TTL: variants seen among roughly 807,000 people sequenced by gnomAD.
TTL encodes tubulin tyrosine ligase, also known as tubulin--tyrosine ligase.
Under a neutral mutation model 41.1 loss-of-function variants are expected in TTL, and 10 were observed. That is an observed-to-expected ratio of 0.24 (90% CI 0.15 to 0.41). TTL has a LOEUF of 0.41. TTL is among the 10% of genes least tolerant of loss of function. The pLI, the probability that TTL is intolerant of heterozygous loss-of-function variation, is 1.00. For missense variants in TTL, 367 were observed against 460.4 expected (o/e 0.80, Z 1.86); for synonymous variants, 175 against 175.5 (o/e 1.00, Z 0.02).
intron 5 of TTL, among the ~76,000 whole-genome samples, chr2:112,516,078 G>A (rs986367196): frequency 6.6e-6 from 1 of 152,040 alleles, no homozygotes; most frequent in Non-Finnish European, 1.5e-5. Context: ...TATGTAAATG[G>A]AATTATACCA....
rs369142229 is a variant in TTL at position 112,541,373 on chromosome 2, C to T, written c.*12578C>T. ...CTACAACTACTCAGTTGGCCGGGCG[C>T]GCGCGGTGGCTCATGCCTGTAATCC... On this transcript the variant is annotated 3_prime_UTR_variant, in exon 7 of 7. Coordinates refer to ENST00000233336, the MANE Select transcript of TTL (RefSeq NM_153712.5). 3 of 152,200 alleles carry T rather than the reference C, an allele frequency of 2.0e-5. No individual in the cohort carries two copies. The highest frequency in any genetic ancestry group is 1.9e-4 in the East Asian group (1 of 5,164). 9.4% of individuals were successfully genotyped at this position (152,200 alleles called of 1,614,324 possible).
chr2:112,489,481 A>T (rs1470114441), intron 2 of TTL, among the ~76,000 whole-genome samples: 1 of 152,246 alleles, frequency 6.6e-6, no homozygotes, highest in Non-Finnish European at 1.5e-5. Context: ...TTATTTTCAA[A>T]ATAATGTCCA....
chr2:112,494,505 C>T, intron 3 of TTL, 130 bp downstream of exon 3: 1 of 712,186 alleles, frequency 1.4e-6, no homozygotes, highest in East Asian at 2.7e-5. Flanking sequence ...GTTATAAATA[C>T]CCATCTATGT....
chr2:112,487,621 C>G (rs1006046789), intron 2 of TTL, among the ~76,000 whole-genome samples: 4 of 152,296 alleles, frequency 2.6e-5, no homozygotes, highest in African/African-American at 9.6e-5. Context: ...CCTTGGAGAG[C>G]ACCACTCAGA....
chr2:112,487,108 CAT>C (rs1228460309), intron 2 of TTL, among the ~76,000 whole-genome samples: 5 of 152,190 alleles, frequency 3.3e-5, no homozygotes, highest in African/African-American at 7.2e-5. Context: ...GACTGGTGAA[CAT>C]GTGTGTGTAG....
Position 112,540,376 on chromosome 2 carries a change from C to T in TTL, c.*11581C>T, listed in dbSNP as rs1682690826. 1 of 151,420 alleles carries T rather than the reference C, an allele frequency of 6.6e-6. No individual in the cohort carries two copies. The highest frequency in any genetic ancestry group is 6.6e-5 in the Admixed American group (1 of 15,220). The allele number at this position is 151,420 out of a possible 1,614,324, so 9.4% of individuals were successfully genotyped here. A position where few individuals can be genotyped will look rare whatever the true frequency, so the allele number is the denominator to read the frequency against. ...GAGGTTGCAGTGAGCCAAGATCATG[C>T]CACTGCACTCCATCCTCAGCAACAA... On this transcript the variant is annotated 3_prime_UTR_variant, in exon 7 of 7. Coordinates refer to ENST00000233336, the MANE Select transcript of TTL (RefSeq NM_153712.5).
intron 5 of TTL, among the ~76,000 whole-genome samples, chr2:112,503,425 A>G (rs368034688): frequency 4.1e-5 from 6 of 145,030 alleles, no homozygotes; most frequent in African/African-American, 1.3e-4. Context: ...ATATATTTAT[A>G]TATTTATTTA....
At chr2:112,514,956 C>T (rs1182365420) in intron 5 of TTL, among the ~76,000 whole-genome samples, 1 of 152,086 alleles carries the variant, frequency 6.6e-6, no homozygotes, top group Admixed American at 6.6e-5. Context: ...CTTTCTTTAT[C>T]TATTAAAACC....
In TTL at chr2:112,535,251, G is replaced by A. The variant is rs1349949476; in HGVS notation, c.*6456G>A. The A allele has an allele frequency of 6.6e-6, 1 of 151,996 alleles. No individual in the cohort carries two copies. Among genetic ancestry groups the A allele is most frequent in the Non-Finnish European group, 1.5e-5 (1 of 68,010 alleles). The allele number at this position is 151,996 out of a possible 1,614,324, so 9.4% of individuals were successfully genotyped here. ...GAAGTCATTTGAGATTATCCAGTCTGTGGAACAGAAAAAAAAAATCAGCAA... is the reference window on the plus strand; with the variant it reads ...GAAGTCATTTGAGATTATCCAGTCTATGGAACAGAAAAAAAAAATCAGCAA... On this transcript the variant is annotated 3_prime_UTR_variant, in exon 7 of 7. Transcript: ENST00000233336.
At chr2:112,490,691 C>T (rs1574054916) in intron 2 of TTL, among the ~76,000 whole-genome samples, 3 of 149,806 alleles carry the variant, frequency 2.0e-5, no homozygotes, top group East Asian at 4.1e-4. Context: ...CCTGCCTCAG[C>T]CTCCCAAGTA....
At chr2:112,496,538 CAG>C (rs1376162040) in intron 3 of TTL, among the ~76,000 whole-genome samples, 1 of 152,086 alleles carries the variant, frequency 6.6e-6, no homozygotes, top group East Asian at 1.9e-4. Flanking sequence ...ACATCTATAA[CAG>C]AAAATTATTG....
rs117831258 is a variant in TTL at position 112,487,048 on chromosome 2, G to A, written c.236+1053G>A. Among the ~76,000 whole-genome samples the A allele has an allele frequency of 2.6e-5, 4 of 152,220 alleles. No homozygotes were observed. In the East Asian group the frequency reaches 5.8e-4, roughly 22 times the overall value. On this transcript the variant is annotated intron_variant, in intron 2 of 6. Coordinates refer to ENST00000233336, the MANE Select transcript of TTL (RefSeq NM_153712.5). The stretch of plus-strand genomic sequence containing the variant: ...TTGTTTCAGTAGGAAACACTGGGTC[G>A]GGCCACTAAAATCAGGGCTGTCGTG...
At chr2:112,520,252 C>T in intron 5 of TTL, 30 bp from the exon 6 acceptor site, 1 of 1,611,372 alleles carries the variant, frequency 6.2e-7, no homozygotes. Context: ...CCACCCCGTT[C>T]TAATGAGCAT....
chr2:112,499,225 G>C (rs930967925), intron 3 of TTL, among the ~76,000 whole-genome samples: 25 of 152,142 alleles, frequency 1.6e-4, no homozygotes, highest in Admixed American at 7.9e-4. Context: ...TGAGGCATGA[G>C]AATTGCTTGA....
In TTL at chr2:112,530,196, C is replaced by T. The variant is rs1216807178; in HGVS notation, c.*1401C>T. On this transcript the variant is annotated 3_prime_UTR_variant, in exon 7 of 7. Coordinates refer to ENST00000233336, the MANE Select transcript of TTL (RefSeq NM_153712.5). ...AAAACATTTCTGCAGTCAGGTGAGA[C>T]TTTTACAAAAGAGGAGAAAATCAAT... The T allele has an allele frequency of 8.8e-6, 2 of 228,228 alleles. No homozygotes were observed. Among genetic ancestry groups the T allele is most frequent in the Non-Finnish European group, 1.7e-5 (2 of 115,010 alleles). The allele number at this position is 228,228 out of a possible 1,614,324, so 14.1% of individuals were successfully genotyped here. A position where few individuals can be genotyped will look rare whatever the true frequency, so the allele number is the denominator to read the frequency against.
intron 3 of TTL, among the ~76,000 whole-genome samples, chr2:112,494,949 A>C (rs554656524): frequency 6.6e-6 from 1 of 152,276 alleles, no homozygotes; most frequent in African/African-American, 2.4e-5. Context: ...TGTTTTCAAA[A>C]CGTAAATCTA....
At position 112,534,469 on chromosome 2, in the gene TTL, C is replaced by G. The variant is rs1008158385; in HGVS notation, c.*5674C>G. The G allele has an allele frequency of 6.5e-6, 1 of 152,806 alleles. No individual in the cohort carries two copies. The highest frequency in any genetic ancestry group is 2.4e-5 in the African/African-American group (1 of 41,412). 9.5% of individuals were successfully genotyped at this position (152,806 alleles called of 1,614,324 possible). On this transcript the variant is annotated 3_prime_UTR_variant, in exon 7 of 7. Transcript: ENST00000233336. ...ACACAATCATGCTGACATCCAGCAG[C>G]AGAGCAGCCACCGTAGGGCTCAGAA... is the stretch of plus-strand genomic sequence containing the variant.
At chr2:112,487,370 A>C (rs1395179200) in intron 2 of TTL, among the ~76,000 whole-genome samples, 1 of 152,188 alleles carries the variant, frequency 6.6e-6, no homozygotes, top group African/African-American at 2.4e-5. Flanking sequence ...AATGCAAATG[A>C]CTGTTACATG....
chr2:112,502,509 C>T (rs528583661), intron 4 of TTL, among the ~76,000 whole-genome samples: 19 of 151,980 alleles, frequency 1.3e-4, no homozygotes, highest in South Asian at 6.2e-4. Context: ...TGGTGGCATG[C>T]GCCTGTAATC....
Sources: gnomAD v4.1 joint callset for allele counts (sites outside exome capture counted in the v4.1 genomes callset) on GRCh38, gnomAD v4.1.1 for gene constraint, MANE v1.5 for transcripts, NCBI Gene and HGNC (gene_info 2026-07-23, HGNC 2026-07-21) for gene names.